NKAIN3: variants seen among roughly 807,000 people sequenced by gnomAD.
NKAIN3 encodes sodium/potassium transporting ATPase interacting 3, also known as sodium/potassium-transporting ATPase subunit beta-1-interacting protein 3.
In NKAIN3, 25 loss-of-function variants were observed where a neutral mutation model predicts 30.2. The observed-to-expected ratio is 0.83, with a 90% CI of 0.60 to 1.16. NKAIN3 has a LOEUF of 1.16. NKAIN3 is among the 50% of genes most tolerant of loss of function. The pLI, the probability that NKAIN3 is intolerant of heterozygous loss-of-function variation, is 0.00. For synonymous variants in NKAIN3, 91 were observed against 89.6 expected, an observed-to-expected ratio of 1.02 and a Z score of -0.09; for missense variants, 225 against 254.1, an observed-to-expected ratio of 0.89 and a Z score of 0.78.
intron 3 of NKAIN3, among the ~76,000 whole-genome samples, chr8:62,595,849 G>T (rs1211514054): frequency 6.6e-6 from 1 of 151,944 alleles, no homozygotes; most frequent in Non-Finnish European, 1.5e-5. Context: ...GCCTGTCCAG[G>T]GGTCTATGGT....
chr8:62,615,074 C>T (rs1489584376), intron 3 of NKAIN3, among the ~76,000 whole-genome samples: 4 of 152,212 alleles, frequency 2.6e-5, no homozygotes, highest in Non-Finnish European at 4.4e-5. Context: ...GAAGGAGTTT[C>T]GCCCCATAGC....
intron 4 of NKAIN3, among the ~76,000 whole-genome samples, chr8:62,868,341 C>CTTTTTTTTTT: frequency 1.4e-5 from 2 of 146,348 alleles, no homozygotes; most frequent in Admixed American, 6.8e-5. Context: ...AGTTCATTTC[C>CTTTTTTTTTT]TTTTTTTTTT....
At chr8:62,959,639 C>A (rs755773163) in intron 6 of NKAIN3, among the ~76,000 whole-genome samples, 15 of 152,118 alleles carry the variant, frequency 9.9e-5, no homozygotes, top group Non-Finnish European at 1.5e-5. Context: ...TTATATTTAT[C>A]CAGATAGAGC....
rs151115688 is a variant in NKAIN3 at position 62,555,361 on chromosome 8, TGAA to T, written c.55-24173_55-24171del. Among the ~76,000 whole-genome samples the T allele has an allele frequency of 5.9e-4, 89 of 151,936 alleles. No homozygotes were observed. In the East Asian group the frequency reaches 0.013, roughly 22 times the overall value. ...CTTAAAAAATGAAAGAGTTTTGAAATGAAGAAGGAGTAAAATGACTAAGCATAT... is the reference window on the plus strand; with the variant it reads ...CTTAAAAAATGAAAGAGTTTTGAAATGAAGGAGTAAAATGACTAAGCATAT... On this transcript the variant is annotated intron_variant, in intron 1 of 6. Coordinates refer to ENST00000623646, the MANE Select transcript of NKAIN3 (RefSeq NM_001304533.3).
At position 62,276,527 on chromosome 8, in the gene NKAIN3, C is replaced by T. The variant is rs139567825; in HGVS notation, c.54+27400C>T. On this transcript the variant is annotated intron_variant, in intron 1 of 6. Transcript: ENST00000623646. ...CAAGCTCTGTACTAATGAGCAGTTACGAAAATGAGAGATGATGTTCTATTA... is the reference window on the plus strand; with the variant it reads ...CAAGCTCTGTACTAATGAGCAGTTATGAAAATGAGAGATGATGTTCTATTA... Among the ~76,000 whole-genome samples the T allele has an allele frequency of 2.9e-4, 44 of 152,232 alleles. No individual in the cohort carries two copies. In the East Asian group the frequency reaches 6.0e-3, roughly 21 times the overall value.
At chr8:62,341,429 C>G (rs929950587) in intron 1 of NKAIN3, among the ~76,000 whole-genome samples, 27 of 151,916 alleles carry the variant, frequency 1.8e-4, no homozygotes, top group African/African-American at 6.5e-4. Flanking sequence ...TTAGAAGCAA[C>G]CTTGAAGTGC....
chr8:62,598,839 C>T (rs1810910768), intron 3 of NKAIN3, among the ~76,000 whole-genome samples: 1 of 152,006 alleles, frequency 6.6e-6, no homozygotes, highest in South Asian at 2.1e-4. Context: ...GTCAGAAAGG[C>T]ACAGCTGAGA....
In NKAIN3 at chr8:62,972,374, T is replaced by TG. The variant is rs1288905352; in HGVS notation, c.*6973dup. ...TTTGTAATTATAAATATGTATATAT[T>TG]GGGGGGCAAAATATGACTTTTTATT... On this transcript the variant is annotated 3_prime_UTR_variant, in exon 7 of 7. Coordinates refer to ENST00000623646, the MANE Select transcript of NKAIN3 (RefSeq NM_001304533.3). Among the ~76,000 whole-genome samples, 3 of 152,116 alleles carry TG rather than the reference T, an allele frequency of 2.0e-5. No homozygotes were observed. Among genetic ancestry groups the TG allele is most frequent in the Non-Finnish European group, 4.4e-5 (3 of 68,004 alleles).
intron 1 of NKAIN3, among the ~76,000 whole-genome samples, chr8:62,372,147 A>G (rs1296974239): frequency 1.3e-5 from 2 of 151,968 alleles, no homozygotes; most frequent in Non-Finnish European, 2.9e-5. Flanking sequence ...ATCAGATTTT[A>G]ACAAGGAATT....
chr8:62,254,210 C>G (rs1812198685), intron 1 of NKAIN3, among the ~76,000 whole-genome samples: 1 of 143,952 alleles, frequency 6.9e-6, no homozygotes, highest in Non-Finnish European at 1.5e-5. Flanking sequence ...GTAGGTCTAG[C>G]AGATGTGTTT....
At chr8:62,471,449 C>T (rs183365412) in intron 1 of NKAIN3, among the ~76,000 whole-genome samples, 23 of 151,964 alleles carry the variant, frequency 1.5e-4, no homozygotes, top group Admixed American at 7.2e-4. Context: ...CGATGTTTTA[C>T]GAAAAGTTGT....
At chr8:62,315,499 T>A (rs1814589296) in intron 1 of NKAIN3, among the ~76,000 whole-genome samples, 1 of 152,184 alleles carries the variant, frequency 6.6e-6, no homozygotes, top group Non-Finnish European at 1.5e-5. Context: ...TTTGAAAAGT[T>A]GACTATCTTG....
At chr8:62,448,175 T>C (rs566431335) in intron 1 of NKAIN3, among the ~76,000 whole-genome samples, 18 of 151,934 alleles carry the variant, frequency 1.2e-4, no homozygotes, top group Admixed American at 1.0e-3. Flanking sequence ...ATGAGTTTTT[T>C]TGAAAAAATA....
At chr8:62,939,074 G>A (rs1822870604) in intron 5 of NKAIN3, among the ~76,000 whole-genome samples, 2 of 152,066 alleles carry the variant, frequency 1.3e-5, no homozygotes, top group South Asian at 4.1e-4. Flanking sequence ...ACAATTTCTG[G>A]AAATGAAGGA....
chr8:62,731,030 G>C (rs1238997229), intron 3 of NKAIN3, among the ~76,000 whole-genome samples: 1 of 152,066 alleles, frequency 6.6e-6, no homozygotes, highest in African/African-American at 2.4e-5. Context: ...TCAAGACTTT[G>C]TAAAAGTTTT....
At chr8:62,417,088 C>T (rs1053614777) in intron 1 of NKAIN3, among the ~76,000 whole-genome samples, 1 of 151,622 alleles carries the variant, frequency 6.6e-6, no homozygotes, top group Non-Finnish European at 1.5e-5. Context: ...TTTTCACACC[C>T]ATTAACCTTC....
chr8:62,376,022 CCTAATGGTGCTCATATGCAGTCA>C (rs1174112190), intron 1 of NKAIN3, among the ~76,000 whole-genome samples: 1 of 152,152 alleles, frequency 6.6e-6, no homozygotes, highest in East Asian at 1.9e-4. Flanking sequence ...CAATCTCTCT[CCTAATGGTGCTCATATGCAGTCA>C]CTAATGAAAA....
chr8:62,754,603 G>A (rs960972470), intron 4 of NKAIN3, among the ~76,000 whole-genome samples: 2 of 152,134 alleles, frequency 1.3e-5, no homozygotes, highest in Non-Finnish European at 2.9e-5. Context: ...CACCATGGTC[G>A]GAGCTGGGGT....
chr8:62,301,799 G>A (rs1020006360), intron 1 of NKAIN3, among the ~76,000 whole-genome samples: 1 of 151,970 alleles, frequency 6.6e-6, no homozygotes, highest in Non-Finnish European at 1.5e-5. Flanking sequence ...ATTTGAATCA[G>A]CCTTTCAAAG....
Sources: gnomAD v4.1 joint callset for allele counts (sites outside exome capture counted in the v4.1 genomes callset) on GRCh38, gnomAD v4.1.1 for gene constraint, MANE v1.5 for transcripts, NCBI Gene and HGNC (gene_info 2026-07-23, HGNC 2026-07-21) for gene names.